SATB1: variants seen among roughly 807,000 people sequenced by gnomAD.
SATB1 encodes the protein SATB homeobox 1.
A neutral mutation model predicts 86.9 loss-of-function variants in SATB1; 11 were observed. The ratio of observed to expected loss-of-function variants is 0.13; its 90% CI spans 0.08 to 0.21. The LOEUF (loss-of-function observed/expected upper bound fraction) is 0.21, where lower values mean the gene tolerates loss of function less well. SATB1 is among the 10% of genes least tolerant of loss of function. SATB1 has a pLI of 1.00. For synonymous variants in SATB1, 357 were observed against 357.2 expected (o/e 1.00, Z 0.01); for missense variants, 551 against 937.6 (o/e 0.59, Z 5.39).
At chr3:18,365,686 A>G (rs1695151176) in intron 9 of SATB1, among the ~76,000 whole-genome samples, 1 of 152,214 alleles carries the variant, frequency 6.6e-6, no homozygotes, top group African/African-American at 2.4e-5. Flanking sequence ...CCGTCTGATA[A>G]CTTTATATTA....
chr3:18,421,395 G>A (rs2125172400), intron 1 of SATB1: 1 of 164,612 alleles, frequency 6.1e-6, no homozygotes, highest in East Asian at 1.7e-4. Flanking sequence ...ATAAAGGATG[G>A]AAAGATGATC....
At position 18,407,108 on chromosome 3, in the gene SATB1, C is replaced by A. The variant is rs920918679; in HGVS notation, c.639+8003G>T. On this transcript the variant is annotated intron_variant, in intron 5 of 10. Coordinates refer to ENST00000338745, the MANE Select transcript of SATB1 (RefSeq NM_002971.6). ...GAACCTTGGGTGCTGGGAGTACAGG[C>A]GAAGTTAGTTAACGGAAAAGACACT... is the stretch of plus-strand genomic sequence containing the variant. Among the ~76,000 whole-genome samples the A allele has an allele frequency of 1.2e-4, 19 of 152,080 alleles. 1 individual carries two copies. The highest frequency in any genetic ancestry group is 3.6e-4 in the African/African-American group (15 of 41,526).
At chr3:18,389,424 C>A (rs1426385427) in intron 7 of SATB1, among the ~76,000 whole-genome samples, 1 of 151,764 alleles carries the variant, frequency 6.6e-6, no homozygotes, top group Non-Finnish European at 1.5e-5. Flanking sequence ...CTATCAGATC[C>A]CAGATATGGG....
intron 5 of SATB1, among the ~76,000 whole-genome samples, chr3:18,413,902 C>A (rs551434513): frequency 6.6e-6 from 1 of 152,164 alleles, no homozygotes; most frequent in East Asian, 1.9e-4. Context: ...CGTAACTTAG[C>A]AAATCTGAAA....
At chr3:18,406,513 A>ATTT (rs1697544014) in intron 5 of SATB1, among the ~76,000 whole-genome samples, 2 of 152,146 alleles carry the variant, frequency 1.3e-5, no homozygotes, top group African/African-American at 4.8e-5. Context: ...GCTGAAATAC[A>ATTT]TGTACAATTG....
In SATB1 at chr3:18,423,836, G is replaced by A. The variant is rs574836427; in HGVS notation, c.-234C>T. On this transcript the variant is annotated 5_prime_UTR_variant, in exon 1 of 11. Coordinates refer to ENST00000338745, the MANE Select transcript of SATB1 (RefSeq NM_002971.6). ...CCCCTACCCCCGCCCCCCTAAGCGG[G>A]GGAAGGGCAGAAATAAACGTCTAGA... 1 of 151,720 alleles carries A rather than the reference G, an allele frequency of 6.6e-6. No individual in the cohort carries two copies. The highest frequency in any genetic ancestry group is 2.4e-5 in the African/African-American group (1 of 41,402). 9.4% of individuals were successfully genotyped at this position (151,720 alleles called of 1,614,324 possible). A position where few individuals can be genotyped will look rare whatever the true frequency, so the allele number is the denominator to read the frequency against.
intron 5 of SATB1, among the ~76,000 whole-genome samples, chr3:18,400,057 A>G (rs565116848): frequency 6.6e-6 from 1 of 152,232 alleles, no homozygotes; most frequent in African/African-American, 2.4e-5. Context: ...CATTTGAAAA[A>G]TCATATACAG....
chr3:18,377,649 T>C (rs1695829921), intron 9 of SATB1, among the ~76,000 whole-genome samples: 1 of 152,110 alleles, frequency 6.6e-6, no homozygotes, highest in Non-Finnish European at 1.5e-5. Context: ...TATGCAAAGC[T>C]ATGTGTGTGT....
At position 18,351,155 on chromosome 3, in the gene SATB1, A is replaced by G; in HGVS notation, c.1779+837T>C. 3.0e-6 allele frequency: 2 copies of G among 669,182 alleles called. 1 individual carries two copies. Among genetic ancestry groups the G allele is most frequent in the Middle Eastern group, 8.0e-4 (2 of 2,502 alleles). 41.5% of individuals were successfully genotyped at this position (669,182 alleles called of 1,614,324 possible). A position where few individuals can be genotyped will look rare whatever the true frequency, so the allele number is the denominator to read the frequency against. On this transcript the variant is annotated intron_variant, in intron 10 of 10. Transcript: ENST00000338745. ...TGGTGACAAGTCCCATGACATGACA[A>G]ACAAAGCATAAGGCTGCATCTGCTG...
At chr3:18,362,240 T>G (rs1160986403) in intron 9 of SATB1, among the ~76,000 whole-genome samples, 3 of 152,076 alleles carry the variant, frequency 2.0e-5, no homozygotes, top group South Asian at 4.1e-4. Context: ...ACCCTGCTAT[T>G]TGAGTTACAT....
At chr3:18,430,473 T>C (rs1332921366) in intron 2 of SATB1, among the ~76,000 whole-genome samples, 1 of 152,150 alleles carries the variant, frequency 6.6e-6, no homozygotes, top group Non-Finnish European at 1.5e-5. Context: ...TCCGTGAACA[T>C]TTAAGTATCT....
At chr3:18,388,447 T>C (rs1300181244) in intron 7 of SATB1, among the ~76,000 whole-genome samples, 2 of 152,164 alleles carry the variant, frequency 1.3e-5, no homozygotes, top group African/African-American at 2.4e-5. Context: ...TACACAGATA[T>C]GGATACATGA....
chr3:18,359,514 G>T (rs1325592331), intron 9 of SATB1, among the ~76,000 whole-genome samples: 1 of 151,946 alleles, frequency 6.6e-6, no homozygotes, highest in Non-Finnish European at 1.5e-5. Flanking sequence ...TAAAACATTA[G>T]ATTTGGAAAA....
rs1161357725 is a variant in SATB1, at chr3:18,444,024, C to T, written c.-25+1494G>A. The stretch of plus-strand genomic sequence containing the variant: ...GGATGCAGAAGTTGCCACAAACTTC[C>T]CAGGCCCCTCTTCGCCGATGCTTAC... On this transcript the variant is annotated intron_variant, in intron 1 of 3. Coordinates refer to the SATB1 transcript ENST00000415069. This position sits in a 1 kb window ranked among gnomAD's most constrained non-coding sequence, Gnocchi z 5.1. Among the ~76,000 whole-genome samples the T allele has an allele frequency of 6.6e-6, 1 of 152,150 alleles. No individual in the cohort carries two copies. The highest frequency in any genetic ancestry group is 6.5e-5 in the Admixed American group (1 of 15,280).
chr3:18,350,151 CA>C (rs760476911), intron 10 of SATB1: 138 of 162,010 alleles, frequency 8.5e-4, no homozygotes, highest in Non-Finnish European at 1.3e-3. Flanking sequence ...ATTGGATGGC[CA>C]GGAAGAACAG....
intron 9 of SATB1, among the ~76,000 whole-genome samples, chr3:18,365,023 C>T (rs1695113475): frequency 6.6e-6 from 1 of 151,928 alleles, no homozygotes; most frequent in African/African-American, 2.4e-5. Context: ...AGGTCCCTGC[C>T]CCCATTCAAT....
At chr3:18,441,282 G>C (rs1012468562), upstream of SATB1, among the ~76,000 whole-genome samples, 3 of 152,038 alleles carry the variant, frequency 2.0e-5, no homozygotes, top group African/African-American at 7.2e-5. Flanking sequence ...TTATATATGA[G>C]TACTGAGCAA....
rs1193535089 is a variant in SATB1 at position 18,444,274 on chromosome 3, G to A, written c.-25+1244C>T. 6.6e-6 allele frequency among the ~76,000 whole-genome samples: 1 copy of A among 151,988 alleles called. No homozygotes were observed. Among genetic ancestry groups the A allele is most frequent in the Non-Finnish European group, 1.5e-5 (1 of 68,000 alleles). ...TTCCTTTTCTAAAAGGGGCCATACC[G>A]GTGACCTGAAGGAGTTTGTTCAGCC... On this transcript the variant is annotated intron_variant, in intron 1 of 3. Coordinates refer to the SATB1 transcript ENST00000415069. The surrounding 1 kb of genome is among the most constrained non-coding windows in gnomAD (Gnocchi z 5.1).
Position 18,347,730 on chromosome 3 carries a change from T to C in SATB1, c.*1440A>G, listed in dbSNP as rs1694131268. On this transcript the variant is annotated 3_prime_UTR_variant, in exon 11 of 11. Coordinates refer to ENST00000338745, the MANE Select transcript of SATB1 (RefSeq NM_002971.6). ...CTATCTCTACTTATTAAGCAAAATG[T>C]TAACCAAACAGGTTATTTTCATTGT... 6.6e-6 allele frequency: 1 copy of C among 152,218 alleles called. No homozygotes were observed. The highest frequency in any genetic ancestry group is 2.4e-5 in the African/African-American group (1 of 41,460). 9.4% of individuals were successfully genotyped at this position (152,218 alleles called of 1,614,324 possible).
Sources: allele counts gnomAD v4.1 joint callset (sites outside exome capture counted in the v4.1 genomes callset), GRCh38; gene constraint gnomAD v4.1.1; non-coding constraint Gnocchi (gnomAD v3.1); transcripts MANE v1.5; gene names NCBI Gene and HGNC (gene_info 2026-07-23, HGNC 2026-07-21).